L3MBTL4: variants seen among roughly 807,000 people sequenced by gnomAD.
L3MBTL4 encodes the protein lethal(3)malignant brain tumor-like protein 4.
L3MBTL4 carries 70 observed loss-of-function variants against 84.5 expected under a neutral mutation model. That is an observed-to-expected ratio of 0.83 (90% CI 0.68 to 1.01). The LOEUF is 1.01. Ranked by LOEUF, L3MBTL4 falls within the 50% of genes least tolerant of loss-of-function variation. The probability of loss-of-function intolerance (pLI) is 0.00; values close to 1 mark genes in which losing one functional copy is unlikely to be tolerated. For missense variants in L3MBTL4, 715 were observed against 754.8 expected, an observed-to-expected ratio of 0.95 and a Z score of 0.62; for synonymous variants, 274 against 259.8, an observed-to-expected ratio of 1.05 and a Z score of -0.52.
At chr18:5,997,448 C>T (rs1311222495) in intron 16 of L3MBTL4, among the ~76,000 whole-genome samples, 1 of 152,194 alleles carries the variant, frequency 6.6e-6, no homozygotes, top group South Asian at 2.1e-4. Flanking sequence ...AAATGCATAT[C>T]TGATTGCTTC....
intron 16 of L3MBTL4, among the ~76,000 whole-genome samples, chr18:6,041,966 T>A (rs111847917): frequency 0.19 from 29,098 of 151,970 alleles, 3,120 homozygotes; most frequent in Middle Eastern, 0.35. Flanking sequence ...CAAGTGATCC[T>A]CCTGCCTTGG....
chr18:6,068,043 T>C (rs1001782013), intron 16 of L3MBTL4, among the ~76,000 whole-genome samples: 7 of 152,194 alleles, frequency 4.6e-5, no homozygotes, highest in Admixed American at 4.6e-4. Context: ...TGATTCTTAA[T>C]GCTTTTAGTG....
intron 1 of L3MBTL4, among the ~76,000 whole-genome samples, chr18:6,348,140 T>A (rs1195557602): frequency 6.6e-6 from 1 of 151,178 alleles, no homozygotes; most frequent in Non-Finnish European, 1.5e-5. Context: ...TAAGAAAAAA[T>A]TTTAAACACC....
At chr18:6,389,201 T>C (rs1483895445) in intron 1 of L3MBTL4, among the ~76,000 whole-genome samples, 1 of 152,150 alleles carries the variant, frequency 6.6e-6, no homozygotes, top group Non-Finnish European at 1.5e-5. Flanking sequence ...AAATTAACTT[T>C]CACAAATGAA....
chr18:6,075,497 C>T (rs751461490), intron 16 of L3MBTL4, among the ~76,000 whole-genome samples: 18 of 152,064 alleles, frequency 1.2e-4, no homozygotes, highest in African/African-American at 3.9e-4. Context: ...AGTAAATCTT[C>T]GCCTCTATGT....
At chr18:6,284,650 T>C (rs886909625) in intron 4 of L3MBTL4, among the ~76,000 whole-genome samples, 1 of 148,890 alleles carries the variant, frequency 6.7e-6, no homozygotes, top group Non-Finnish European at 1.5e-5. Context: ...CTCCATGTCA[T>C]CTGTGCCCTT....
intron 16 of L3MBTL4, among the ~76,000 whole-genome samples, chr18:6,044,036 A>G (rs568774): frequency 0.34 from 52,100 of 152,014 alleles, 9,566 homozygotes; most frequent in East Asian, 0.68. Context: ...TGAGCAAAAG[A>G]CTTGAGTAAA....
intron 16 of L3MBTL4, among the ~76,000 whole-genome samples, chr18:6,073,892 A>C (rs2057772465): frequency 1.3e-5 from 2 of 152,098 alleles, no homozygotes; most frequent in Admixed American, 1.3e-4. Flanking sequence ...GAGTTTTCTG[A>C]GGAGTGTTTG....
At chr18:6,291,079 A>AT (rs2049844946) in intron 4 of L3MBTL4, among the ~76,000 whole-genome samples, 1 of 152,148 alleles carries the variant, frequency 6.6e-6, no homozygotes, top group Admixed American at 6.5e-5. Context: ...AGAAACTGAC[A>AT]TTTTTCACGT....
At chr18:6,223,425 A>G (rs2046644172) in intron 10 of L3MBTL4, among the ~76,000 whole-genome samples, 2 of 152,212 alleles carry the variant, frequency 1.3e-5, no homozygotes, top group South Asian at 4.1e-4. Context: ...TGAACTATAC[A>G]GATGAGTTGG....
chr18:6,076,344 A>T (rs1487204088), intron 16 of L3MBTL4, among the ~76,000 whole-genome samples: 1 of 152,258 alleles, frequency 6.6e-6, no homozygotes, highest in African/African-American at 2.4e-5. Flanking sequence ...AAGAAGTCAG[A>T]CATAAAAGTG....
chr18:6,410,452 A>G (rs1023623903), intron 1 of L3MBTL4, among the ~76,000 whole-genome samples: 4 of 152,112 alleles, frequency 2.6e-5, no homozygotes, highest in African/African-American at 9.7e-5. Flanking sequence ...ACCCCCATAC[A>G]CACAGTGGAC....
intron 16 of L3MBTL4, among the ~76,000 whole-genome samples, chr18:5,993,810 T>C (rs577132791): frequency 2.0e-5 from 3 of 152,348 alleles, no homozygotes; most frequent in African/African-American, 7.2e-5. Context: ...GATACTGTAT[T>C]TTCCCCAATA....
intron 5 of L3MBTL4, among the ~76,000 whole-genome samples, chr18:6,262,247 G>A (rs2048438646): frequency 6.6e-6 from 1 of 152,140 alleles, no homozygotes; most frequent in South Asian, 2.1e-4. Context: ...GCGGGGAAAG[G>A]GCAAGGTGAC....
intron 16 of L3MBTL4, among the ~76,000 whole-genome samples, chr18:6,040,207 A>C (rs1180457321): frequency 6.6e-6 from 1 of 152,210 alleles, no homozygotes; most frequent in African/African-American, 2.4e-5. Flanking sequence ...TAAACTTTTA[A>C]AAATTCAACA....
intron 13 of L3MBTL4, among the ~76,000 whole-genome samples, chr18:6,141,313 A>T (rs78101130): frequency 0.017 from 2,581 of 152,112 alleles, 81 homozygotes; most frequent in African/African-American, 0.058. Context: ...TTCAGGCAAC[A>T]TCCTCAAGGT....
intron 12 of L3MBTL4, among the ~76,000 whole-genome samples, chr18:6,197,204 C>A (rs544512702): frequency 7.2e-5 from 11 of 152,150 alleles, no homozygotes; most frequent in Non-Finnish European, 1.5e-4. Context: ...ACCTGCCAAC[C>A]CATCACCTAG....
chr18:6,363,310 A>C (rs11877713), intron 1 of L3MBTL4, among the ~76,000 whole-genome samples: 21,968 of 151,946 alleles, frequency 0.14, 2,261 homozygotes, highest in East Asian at 0.3. Flanking sequence ...GGCTCACTAC[A>C]CGCCCACACC....
At chr18:5,976,406 T>C (rs2052934647) in intron 16 of L3MBTL4, among the ~76,000 whole-genome samples, 1 of 152,216 alleles carries the variant, frequency 6.6e-6, no homozygotes, top group Non-Finnish European at 1.5e-5. Context: ...GCTGGGATGG[T>C]GTGTGTCCAG....
Sources: allele counts gnomAD v4.1 joint callset (sites outside exome capture counted in the v4.1 genomes callset), GRCh38; gene constraint gnomAD v4.1.1; transcripts MANE v1.5; gene names NCBI Gene and HGNC (gene_info 2026-07-23, HGNC 2026-07-21).